CDH23: variants seen among roughly 807,000 people sequenced by gnomAD.
CDH23 encodes cadherin-23.
In CDH23, 189 loss-of-function variants were observed where a neutral mutation model predicts 317.1. That is an observed-to-expected ratio of 0.60 (90% CI 0.53 to 0.67). The LOEUF is 0.67. Ranked by LOEUF, CDH23 falls within the 30% of genes least tolerant of loss-of-function variation. CDH23 has a pLI of 0.00. For missense variants in CDH23, 4,401 were observed against 4,592.4 expected (o/e 0.96, Z 1.20); for synonymous variants, 1,839 against 1,876.8 (o/e 0.98, Z 0.52).
intron 31 of CDH23, among the ~76,000 whole-genome samples, chr10:71,731,036 A>G (rs1839362696): frequency 1.3e-5 from 2 of 152,214 alleles, no homozygotes; most frequent in Non-Finnish European, 2.9e-5. Context: ...CTGACCCTGT[A>G]CAAGGGGCAG....
intron 3 of CDH23, among the ~76,000 whole-genome samples, chr10:71,504,391 CT>C (rs1475689729): frequency 6.6e-6 from 1 of 152,158 alleles, no homozygotes; most frequent in Non-Finnish European, 1.5e-5. Context: ...TCAGAATTTC[CT>C]TTCTTTTTAA....
intron 28 of CDH23, chr10:71,716,811 G>A (rs1163045748): frequency 6.2e-6 from 1 of 160,096 alleles, no homozygotes; most frequent in African/African-American, 2.4e-5. Context: ...TGTTTAGTTG[G>A]GTCCTTGCCA....
At position 71,793,462 on chromosome 10, in the gene CDH23, C is replaced by G. The variant is rs1488349830; in HGVS notation, c.6534C>G (p.Ile2178Met). 5.0e-6 allele frequency: 8 copies of G among 1,613,926 alleles called. No homozygotes were observed. The Admixed American group carries it at 1.3e-4, about 27-fold the overall frequency. The change falls in exon 48 of 70, where the codon ATC (isoleucine) becomes ATG (methionine). Residue 2178 changes from isoleucine to methionine, a missense_variant. Ile to Met is a conservative substitution (Grantham distance 10, BLOSUM62 1). Coordinates refer to ENST00000224721, the MANE Select transcript of CDH23 (RefSeq NM_022124.6). ...CCCGCCCCGAGTTCCTCAACCCCATCCAGACAGTGAGCGTGCTGGAGTCGG... is the reference window on the plus strand; with the variant it reads ...CCCGCCCCGAGTTCCTCAACCCCATGCAGACAGTGAGCGTGCTGGAGTCGG... ...NDSRPEFLNP[I>M]QTVSVLESAE...
chr10:71,540,952 C>T (rs1161118565), intron 6 of CDH23, among the ~76,000 whole-genome samples: 1 of 151,906 alleles, frequency 6.6e-6, no homozygotes, highest in Admixed American at 6.6e-5. Flanking sequence ...GTTCTTGGAA[C>T]CCAGGTTCCT....
At position 71,510,915 on chromosome 10, in the gene CDH23, C is replaced by T. The variant is rs201652246; in HGVS notation, c.289-39C>T. 16 of 1,611,738 alleles carry T rather than the reference C, an allele frequency of 9.9e-6. No individual in the cohort carries two copies. In the East Asian group the frequency reaches 1.1e-4, roughly 11 times the overall value. The stretch of plus-strand genomic sequence containing the variant: ...GGCCCAGGACCCAGGACCTCAGCAC[C>T]GCCTAACTGCCCCCCTCCCTCTCTC... On this transcript the variant is annotated intron_variant, in intron 4 of 69. Transcript: ENST00000224721.
At chr10:71,533,556 CACACACACACACACT>C (rs1855530427) in intron 6 of CDH23, among the ~76,000 whole-genome samples, 10 of 151,592 alleles carry the variant, frequency 6.6e-5, no homozygotes, top group East Asian at 5.8e-4. Context: ...CACACACACA[CACACACACACACACT>C]GGCTGGGGCT....
At chr10:71,616,428 A>G (rs1004486094) in intron 10 of CDH23, among the ~76,000 whole-genome samples, 11 of 152,204 alleles carry the variant, frequency 7.2e-5, no homozygotes, top group Non-Finnish European at 1.3e-4. Flanking sequence ...TCCCACCACC[A>G]TCCTTCCCTC....
At chr10:71,534,394 G>A (rs1057305011) in intron 6 of CDH23, among the ~76,000 whole-genome samples, 4 of 152,152 alleles carry the variant, frequency 2.6e-5, no homozygotes, top group African/African-American at 4.8e-5. Context: ...CTATCACTGC[G>A]GAGAAAAACT....
intron 3 of CDH23, among the ~76,000 whole-genome samples, chr10:71,458,088 C>T (rs1413750012): frequency 6.6e-6 from 1 of 152,236 alleles, no homozygotes; most frequent in Non-Finnish European, 1.5e-5. Context: ...TACCCTCCAG[C>T]TGGCTGAGGA....
At chr10:71,454,746 C>T (rs1028913893) in intron 3 of CDH23, among the ~76,000 whole-genome samples, 7 of 152,196 alleles carry the variant, frequency 4.6e-5, no homozygotes, top group African/African-American at 1.7e-4. Flanking sequence ...GACAGATGTC[C>T]ATTTTCTACC....
intron 14 of CDH23, among the ~76,000 whole-genome samples, chr10:71,667,100 G>A (rs1863932772): frequency 1.3e-5 from 2 of 152,356 alleles, no homozygotes; most frequent in Admixed American, 1.3e-4. Context: ...CTCTGTTGCT[G>A]GGACCCAGGG....
chr10:71,528,633 G>C (rs959214303), intron 6 of CDH23, among the ~76,000 whole-genome samples: 1 of 152,278 alleles, frequency 6.6e-6, no homozygotes, highest in Non-Finnish European at 1.5e-5. Context: ...GAGTGATTGA[G>C]GTGCCCGGGC....
chr10:71,443,599 G>A (rs1376911055), intron 2 of CDH23, among the ~76,000 whole-genome samples: 4 of 152,236 alleles, frequency 2.6e-5, no homozygotes, highest in Admixed American at 1.3e-4. Flanking sequence ...CAGAGAGGGC[G>A]GGAGAGGGCT....
intron 26 of CDH23, among the ~76,000 whole-genome samples, chr10:71,708,563 T>C (rs558829683): frequency 6.6e-6 from 1 of 152,160 alleles, no homozygotes; most frequent in South Asian, 2.1e-4. Flanking sequence ...CTGCCTTGAC[T>C]CCTCCCTCTG....
chr10:71,733,393 G>C (rs1056932628), intron 32 of CDH23, among the ~76,000 whole-genome samples: 2 of 152,180 alleles, frequency 1.3e-5, no homozygotes, highest in African/African-American at 4.8e-5. Context: ...TGAATCTCCA[G>C]CCTCTGTCCT....
At chr10:71,449,357 A>G (rs1054892270) in intron 3 of CDH23, among the ~76,000 whole-genome samples, 7 of 152,150 alleles carry the variant, frequency 4.6e-5, no homozygotes, top group Non-Finnish European at 7.4e-5. Flanking sequence ...TTAGACACCC[A>G]GTGATGGTCA....
At chr10:71,469,930 T>C (rs1406094374) in intron 3 of CDH23, among the ~76,000 whole-genome samples, 1 of 152,184 alleles carries the variant, frequency 6.6e-6, no homozygotes, top group African/African-American at 2.4e-5. Flanking sequence ...TGTGGACACA[T>C]GTTTTTATTT....
chr10:71,570,694 G>C (rs1362730495), intron 7 of CDH23, 96 bp from the exon 8 acceptor site: 2 of 1,420,706 alleles, frequency 1.4e-6, no homozygotes, highest in Non-Finnish European at 1.9e-6. Flanking sequence ...GCACTTATGT[G>C]CTGCACGGTG....
intron 18 of CDH23, 140 bp downstream of exon 18, chr10:71,682,712 C>G (rs945493433): frequency 1.8e-6 from 2 of 1,084,672 alleles, no homozygotes; most frequent in Non-Finnish European, 2.7e-6. Flanking sequence ...GCCATCTGTC[C>G]CAAAGCCTGC....
Sources: gnomAD v4.1 joint callset for allele counts (sites outside exome capture counted in the v4.1 genomes callset) on GRCh38, gnomAD v4.1.1 for gene constraint, MANE v1.5 for transcripts, NCBI Gene and HGNC (gene_info 2026-07-23, HGNC 2026-07-21) for gene names.